The following ADAMTS19 variants were observed in gnomAD, a reference collection of about 807,000 sequenced individuals.
ADAMTS19 encodes ADAM metallopeptidase with thrombospondin type 1 motif 19.
In ADAMTS19, 93 loss-of-function variants were observed where a neutral mutation model predicts 153.3. The observed-to-expected ratio is 0.61, with a 90% CI of 0.51 to 0.72. ADAMTS19 has a LOEUF of 0.72. Among genes scored for constraint, ADAMTS19 ranks in the 30% least tolerant of loss-of-function variants. The pLI, the probability that ADAMTS19 is intolerant of heterozygous loss-of-function variation, is 0.00. For missense variants in ADAMTS19, 1,482 were observed against 1,552.1 expected (o/e 0.95, Z 0.76); for synonymous variants, 600 against 556.6 (o/e 1.08, Z -1.10).
chr5:129,549,986 C>A lies in ADAMTS19; in HGVS notation c.1329-1878C>A, dbSNP rs61064251. On this transcript the variant is annotated intron_variant, in intron 6 of 22. Transcript: ENST00000274487. ...TATCTAGATATACATATACATGTAT[C>A]TGTATATGTATCTAGATATACATAT... 1.2e-3 allele frequency among the ~76,000 whole-genome samples: 128 copies of A among 109,980 alleles called. 1 individual carries two copies. The highest frequency in any genetic ancestry group is 1.8e-3 in the Non-Finnish European group (92 of 51,528). The allele number at this position is 109,980 out of a possible 152,430, so 72.2% of individuals were successfully genotyped here. A position where few individuals can be genotyped will look rare whatever the true frequency, so the allele number is the denominator to read the frequency against.
At chr5:129,626,744 C>A (rs1331429985) in intron 10 of ADAMTS19, among the ~76,000 whole-genome samples, 2 of 152,066 alleles carry the variant, frequency 1.3e-5, no homozygotes, top group Admixed American at 1.3e-4. Context: ...ACAAATAATA[C>A]AGCAGGAATC....
intron 6 of ADAMTS19, among the ~76,000 whole-genome samples, chr5:129,551,629 G>A (rs1034750589): frequency 2.0e-5 from 3 of 151,578 alleles, no homozygotes; most frequent in African/African-American, 7.3e-5. Flanking sequence ...TTGAAATATT[G>A]TCCATCATAT....
chr5:129,510,412 A>G (rs139200005), intron 3 of ADAMTS19, among the ~76,000 whole-genome samples: 65 of 151,986 alleles, frequency 4.3e-4, no homozygotes, highest in African/African-American at 1.5e-3. Context: ...ATCATCATCA[A>G]AAGCAGTTGA....
rs114849736 is a variant in ADAMTS19, at chr5:129,650,669, T to G, written c.2176+1699T>G. Among the ~76,000 whole-genome samples, 795 of 152,296 alleles carry G rather than the reference T, an allele frequency of 5.2e-3. 8 individuals carry two copies. The highest frequency in any genetic ancestry group is 0.017 in the African/African-American group (692 of 41,554). ...CCCCATCTTCCTCTTTCAGCTATCT[T>G]ATTGATTACCCCCACTTTCTCTCAT... On this transcript the variant is annotated intron_variant, in intron 13 of 22. Coordinates refer to ENST00000274487, the MANE Select transcript of ADAMTS19 (RefSeq NM_133638.6).
intron 21 of ADAMTS19, among the ~76,000 whole-genome samples, chr5:129,727,107 T>C (rs529804046): frequency 6.6e-6 from 1 of 152,298 alleles, no homozygotes; most frequent in East Asian, 1.9e-4. Context: ...AGATATTCTA[T>C]GTAAAAGCAT....
chr5:129,526,487 T>G, intron 4 of ADAMTS19, 31 bp downstream of exon 4: 1 of 1,566,488 alleles, frequency 6.4e-7, no homozygotes, highest in Non-Finnish European at 8.6e-7. Context: ...GCTTGGAATT[T>G]TTTCAAGAAA....
chr5:129,638,561 TCACACACACACACATACACA>T (rs1229618867), intron 10 of ADAMTS19, among the ~76,000 whole-genome samples: 2 of 118,918 alleles, frequency 1.7e-5, no homozygotes, highest in African/African-American at 7.0e-5. Context: ...ACTCTCTGTC[TCACACACACACACATACACA>T]CACACACACA....
At chr5:129,538,328 T>A (rs949198862) in intron 6 of ADAMTS19, among the ~76,000 whole-genome samples, 2 of 152,036 alleles carry the variant, frequency 1.3e-5, no homozygotes, top group African/African-American at 4.8e-5. Context: ...ATACATGGAG[T>A]TACATTATTG....
intron 21 of ADAMTS19, among the ~76,000 whole-genome samples, chr5:129,717,171 C>T (rs890666884): frequency 1.3e-5 from 2 of 152,150 alleles, no homozygotes; most frequent in Non-Finnish European, 2.9e-5. Flanking sequence ...TACATTATTG[C>T]CATTTCAGTA....
intron 3 of ADAMTS19, among the ~76,000 whole-genome samples, chr5:129,519,427 G>T (rs538638142): frequency 8.4e-4 from 128 of 152,170 alleles, no homozygotes; most frequent in Non-Finnish European, 1.4e-3. Flanking sequence ...CACCAGCTAT[G>T]CAGCCTGAGG....
At chr5:129,707,683 G>C (rs548580785) in intron 21 of ADAMTS19, among the ~76,000 whole-genome samples, 1 of 152,166 alleles carries the variant, frequency 6.6e-6, no homozygotes, top group African/African-American at 2.4e-5. Flanking sequence ...CTTGAAACAG[G>C]AATAGCAACA....
chr5:129,528,528 A>G lies in ADAMTS19; in HGVS notation c.1179A>G (p.Leu393=), dbSNP rs1220819224. 6.3e-7 allele frequency: 1 copy of G among 1,599,178 alleles called. No individual in the cohort carries two copies. Among genetic ancestry groups the G allele is most frequent in the Non-Finnish European group, 8.5e-7 (1 of 1,173,990 alleles). ...GCTCTGTTCTTTTGCAGCCAGAACT[A>G]TATATTGGGCATCATGGAGAAAAAA... ...LILLHETPPE[L]YIGHHGEKML... Residue 393 remains leucine (L), a synonymous_variant, in exon 6 of 23, where the codon CTA becomes CTG. Coordinates refer to ENST00000274487, the MANE Select transcript of ADAMTS19 (RefSeq NM_133638.6).
At chr5:129,638,089 AATCTTC>A (rs1395927262) in intron 10 of ADAMTS19, among the ~76,000 whole-genome samples, 2 of 152,138 alleles carry the variant, frequency 1.3e-5, no homozygotes, top group Non-Finnish European at 2.9e-5. Flanking sequence ...CTGTGTCACA[AATCTTC>A]ATATGTACCA....
intron 3 of ADAMTS19, among the ~76,000 whole-genome samples, chr5:129,519,533 C>G (rs572429175): frequency 2.2e-4 from 33 of 152,082 alleles, no homozygotes; most frequent in Non-Finnish European, 4.3e-4. Context: ...TAGCACTTGC[C>G]TAAGAGTTGC....
rs561677742 is a variant in ADAMTS19, at chr5:129,473,241, T to C, written c.747+11484T>C. ...CCAAGAGCAGTGGACAGGCAGGTGA[T>C]TATATCAGCTAATCAGATTAATGCA... On this transcript the variant is annotated intron_variant, in intron 2 of 22. Coordinates refer to ENST00000274487, the MANE Select transcript of ADAMTS19 (RefSeq NM_133638.6). Among the ~76,000 whole-genome samples the C allele has an allele frequency of 7.9e-5, 12 of 152,004 alleles. No individual in the cohort carries two copies. The South Asian group carries it at 1.9e-3, about 24-fold the overall frequency.
At chr5:129,534,645 C>T (rs1471886903) in intron 6 of ADAMTS19, among the ~76,000 whole-genome samples, 9 of 152,142 alleles carry the variant, frequency 5.9e-5, no homozygotes, top group South Asian at 2.1e-4. Flanking sequence ...GACCAATATC[C>T]TTGATGAACA....
chr5:129,663,439 A>G (rs1753907227), intron 15 of ADAMTS19, among the ~76,000 whole-genome samples: 1 of 152,200 alleles, frequency 6.6e-6, no homozygotes, highest in South Asian at 2.1e-4. Flanking sequence ...GTTAGATACA[A>G]ATTGCAAAGC....
At chr5:129,624,989 C>A (rs975723468) in intron 10 of ADAMTS19, among the ~76,000 whole-genome samples, 1 of 151,896 alleles carries the variant, frequency 6.6e-6, no homozygotes. Context: ...TCCCCCATCC[C>A]CCCACCCCAC....
chr5:129,542,948 G>A (rs1044151801), intron 6 of ADAMTS19, among the ~76,000 whole-genome samples: 1 of 151,918 alleles, frequency 6.6e-6, no homozygotes, highest in East Asian at 1.9e-4. Flanking sequence ...TACAAAAGAA[G>A]TGAAGATTAG....
Sources: allele counts gnomAD v4.1 joint callset (sites outside exome capture counted in the v4.1 genomes callset), GRCh38; gene constraint gnomAD v4.1.1; transcripts MANE v1.5; gene names NCBI Gene and HGNC (gene_info 2026-07-23, HGNC 2026-07-21).